Variants in ZNF695 observed in about 807,000 individuals in gnomAD.
ZNF695 encodes zinc finger protein SBZF3.
A neutral mutation model predicts 11.2 loss-of-function variants in ZNF695; 11 were observed. That is an observed-to-expected ratio of 0.98 (90% confidence interval 0.62 to 1.62). The LOEUF (loss-of-function observed/expected upper bound fraction) is 1.62, where lower values mean the gene tolerates loss of function less well. Ranked by LOEUF, ZNF695 falls within the 40% of genes most tolerant of loss-of-function variation. ZNF695 has a pLI of 0.00. For synonymous variants in ZNF695, 190 were observed against 201.4 expected, an observed-to-expected ratio of 0.94 and a Z score of 0.48; for missense variants, 559 against 590.5, an observed-to-expected ratio of 0.95 and a Z score of 0.55.
In ZNF695 at chr1:246,999,449, T is replaced by C; in HGVS notation, c.167-9A>G. The C allele has an allele frequency of 6.2e-7, 1 of 1,610,454 alleles. No homozygotes were observed. The highest frequency in any genetic ancestry group is 1.1e-5 in the South Asian group (1 of 90,938). On this transcript the variant is annotated splice_polypyrimidine_tract_variant and intron_variant, in intron 2 of 3. Coordinates refer to ENST00000339986, the MANE Select transcript of ZNF695 (RefSeq NM_020394.5). ...CTTAGACATAGCAAGACCTGTTTTA[T>C]TAGAAAAAAGGTGCATGATTCTTGC...
downstream of ZNF695, among the ~76,000 whole-genome samples, chr1:246,981,624 C>A (rs905124432): frequency 3.3e-5 from 5 of 152,114 alleles, no homozygotes; most frequent in African/African-American, 1.2e-4. Flanking sequence ...GGGCCTAGCA[C>A]AGAACATGGG....
downstream of ZNF695, among the ~76,000 whole-genome samples, chr1:246,981,250 A>C (rs1161957551): frequency 6.6e-6 from 1 of 152,190 alleles, no homozygotes; most frequent in Non-Finnish European, 1.5e-5. Flanking sequence ...AAGTGTGGGG[A>C]AAGAAAAATG....
At chr1:247,001,343 C>G (rs1669374460) in intron 1 of ZNF695, among the ~76,000 whole-genome samples, 1 of 151,814 alleles carries the variant, frequency 6.6e-6, no homozygotes, top group Non-Finnish European at 1.5e-5. Context: ...GGGAGACTCA[C>G]TTGAACCTAG....
At chr1:246,970,870 G>A (rs1457260140) in intron 4 of ZNF695, among the ~76,000 whole-genome samples, 4 of 152,212 alleles carry the variant, frequency 2.6e-5, no homozygotes, top group African/African-American at 7.2e-5. Context: ...GAGTTCAAGC[G>A]ATTCTCCTGC....
intron 5 of ZNF695, chr1:246,967,442 A>G (rs753780869): frequency 4.4e-6 from 2 of 456,376 alleles, no homozygotes; most frequent in South Asian, 3.1e-5. Context: ...AAGGTCAGAT[A>G]GGATCTCCTA....
At chr1:246,956,450 T>G (rs1164093905) in intron 5 of ZNF695, among the ~76,000 whole-genome samples, 1 of 151,296 alleles carries the variant, frequency 6.6e-6, no homozygotes, top group African/African-American at 2.4e-5. Flanking sequence ...ACCCCGTCTC[T>G]ACAAAAAATA....
At chr1:247,006,236 A>C (rs368036136) in intron 1 of ZNF695, among the ~76,000 whole-genome samples, 10 of 140,316 alleles carry the variant, frequency 7.1e-5, no homozygotes, top group Non-Finnish European at 1.4e-4. Context: ...AAAAAAAAAG[A>C]AAAAAAAAAA....
chr1:247,006,688 T>C (rs1042043001), intron 1 of ZNF695, among the ~76,000 whole-genome samples: 6 of 152,168 alleles, frequency 3.9e-5, no homozygotes, highest in Non-Finnish European at 8.8e-5. Context: ...AAGTTAGCAT[T>C]TGGGAATGTA....
intron 1 of ZNF695, among the ~76,000 whole-genome samples, chr1:247,001,824 T>C (rs1054821607): frequency 1.8e-4 from 28 of 151,590 alleles, no homozygotes; most frequent in African/African-American, 2.2e-4. Context: ...GCAACCAACA[T>C]TGAAGCACCC....
At position 247,008,029 on chromosome 1, in the gene ZNF695, A is replaced by C. The variant is rs1572540672; in HGVS notation, c.-121T>G. On this transcript the variant is annotated 5_prime_UTR_variant, in exon 1 of 4. Coordinates refer to ENST00000339986, the MANE Select transcript of ZNF695 (RefSeq NM_020394.5). Reference sequence around the variant, plus strand: ...TCCGAGAGGCAGCAGACGGGAACCCAGCACCCCGCCGGCCGCAAGGAGACA... The same window carrying C: ...TCCGAGAGGCAGCAGACGGGAACCCCGCACCCCGCCGGCCGCAAGGAGACA... 1 of 1,181,346 alleles carries C rather than the reference A, an allele frequency of 8.5e-7. No homozygotes were observed. 73.2% of individuals were successfully genotyped at this position (1,181,346 alleles called of 1,614,324 possible). A position where few individuals can be genotyped will look rare whatever the true frequency, so the allele number is the denominator to read the frequency against.
At chr1:246,979,736 G>A (rs1668656574) in intron 4 of ZNF695, 2 of 146,502 alleles carry the variant, frequency 1.4e-5, no homozygotes, top group Admixed American at 1.4e-4. Flanking sequence ...TGTTAGTTTA[G>A]AGTATTCTTT....
intron 5 of ZNF695, among the ~76,000 whole-genome samples, chr1:246,963,002 T>A (rs1450954060): frequency 6.6e-6 from 1 of 152,182 alleles, no homozygotes; most frequent in African/African-American, 2.4e-5. Flanking sequence ...GATTCCTCGC[T>A]GCCTTTAGGC....
chr1:246,960,088 A>T (rs932329208), intron 5 of ZNF695, among the ~76,000 whole-genome samples: 9 of 152,250 alleles, frequency 5.9e-5, no homozygotes, highest in African/African-American at 2.2e-4. Context: ...TGAAAAACCC[A>T]GTTGAGAAGC....
rs1034354711 is a variant in ZNF695 at position 247,008,039 on chromosome 1, C to T, written c.-131G>A. ...AGCAGACGGGAACCCAGCACCCCGC[C>T]GGCCGCAAGGAGACAAAGGCCCCGC... On this transcript the variant is annotated 5_prime_UTR_variant, in exon 1 of 4. Coordinates refer to ENST00000339986, the MANE Select transcript of ZNF695 (RefSeq NM_020394.5). 2.8e-6 allele frequency: 3 copies of T among 1,071,256 alleles called. No individual in the cohort carries two copies. The highest frequency in any genetic ancestry group is 3.7e-6 in the Non-Finnish European group (3 of 807,612). The allele number at this position is 1,071,256 out of a possible 1,614,324, so 66.4% of individuals were successfully genotyped here.
chr1:246,987,246 A>C lies in ZNF695; in HGVS notation c.1269T>G (p.Leu423=). The change falls in exon 4 of 4, where the codon CTT becomes CTG. Residue 423 remains leucine, a synonymous_variant. Transcript: ENST00000339986. ...CGKAFTWFSY[L]TQHKRIHTGE... is the part of the protein sequence containing the mutation. ...CAGTATGAATTCTCTTATGTTGAGT[A>C]AGGTATGAAAACCAGGTAAAAGCTT... 1.9e-6 allele frequency: 3 copies of C among 1,613,988 alleles called. No homozygotes were observed. The highest frequency in any genetic ancestry group is 1.7e-6 in the Non-Finnish European group (2 of 1,179,986).
At chr1:247,007,011 C>T (rs1008187582) in intron 1 of ZNF695, among the ~76,000 whole-genome samples, 2 of 152,168 alleles carry the variant, frequency 1.3e-5, no homozygotes, top group African/African-American at 4.8e-5. Context: ...CAGGAAATTT[C>T]ATCCTGGACA....
intron 4 of ZNF695, among the ~76,000 whole-genome samples, chr1:246,972,109 G>A (rs992856154): frequency 6.6e-6 from 1 of 152,226 alleles, no homozygotes; most frequent in African/African-American, 2.4e-5. Flanking sequence ...GTGCAGAGAA[G>A]CGCAACCATG....
chr1:246,976,780 C>T (rs527449406), intron 4 of ZNF695, among the ~76,000 whole-genome samples: 30 of 151,500 alleles, frequency 2.0e-4, no homozygotes, highest in South Asian at 4.2e-4. Flanking sequence ...GGCGACAGAG[C>T]GAAACTCCGT....
At chr1:246,999,795 TG>T in intron 2 of ZNF695, 116 bp downstream of exon 2, 1 of 1,041,174 alleles carries the variant, frequency 9.6e-7, no homozygotes, top group Non-Finnish European at 1.4e-6. Context: ...TTGAAAGTTT[TG>T]TTTTCTACAC....
Sources: allele counts gnomAD v4.1 joint callset (sites outside exome capture counted in the v4.1 genomes callset), GRCh38; gene constraint gnomAD v4.1.1; transcripts MANE v1.5; gene names NCBI Gene and HGNC (gene_info 2026-07-23, HGNC 2026-07-21).